The following ST7 variants were observed in gnomAD, a reference collection of about 807,000 sequenced individuals.
The protein encoded by ST7 is suppressor of tumorigenicity 7 protein.
In ST7, 28 loss-of-function variants were observed where a neutral mutation model predicts 78.7. The ratio of observed to expected loss-of-function variants is 0.36; its 90% CI spans 0.26 to 0.49. The LOEUF is 0.49. ST7 is among the 20% of genes least tolerant of loss of function. The pLI is 0.99. For missense variants in ST7, 418 were observed against 696.0 expected, an observed-to-expected ratio of 0.60 and a Z score of 4.49; for synonymous variants, 247 against 249.6, an observed-to-expected ratio of 0.99 and a Z score of 0.10.
chr7:117,214,465 G>C (rs1792532137), intron 13 of ST7, among the ~76,000 whole-genome samples: 1 of 152,154 alleles, frequency 6.6e-6, no homozygotes, highest in African/African-American at 2.4e-5. Flanking sequence ...GCTGCTCACT[G>C]TAAGATGTGG....
At chr7:117,089,989 G>A (rs1251831200) in intron 1 of ST7, among the ~76,000 whole-genome samples, 1 of 152,158 alleles carries the variant, frequency 6.6e-6, no homozygotes, top group African/African-American at 2.4e-5. Context: ...CTTTTTAAGG[G>A]TGAAGTCAAG....
Position 117,168,409 on chromosome 7 carries a change from C to T in ST7, c.964-2453C>T, listed in dbSNP as rs1807729047. Among the ~76,000 whole-genome samples the T allele has an allele frequency of 2.0e-5, 3 of 152,070 alleles. No homozygotes were observed. The South Asian group carries it at 6.2e-4, about 31-fold the overall frequency. On this transcript the variant is annotated intron_variant, in intron 9 of 15. Coordinates refer to ENST00000323984, the MANE Select transcript of ST7 (RefSeq NM_001369598.1). The stretch of plus-strand genomic sequence containing the variant: ...CATTACCTGAAGAATTGGCTGAAAA[C>T]AATAAATGTTTAAATGTTGCAATTT...
chr7:117,190,775 C>G lies in ST7; in HGVS notation c.1152-59C>G, dbSNP rs1760710213. 1 of 1,425,052 alleles carries G rather than the reference C, an allele frequency of 7.0e-7. No homozygotes were observed. 88.3% of individuals were successfully genotyped at this position (1,425,052 alleles called of 1,614,324 possible). A position where few individuals can be genotyped will look rare whatever the true frequency, so the allele number is the denominator to read the frequency against. ...ATGGGCCCTAGATGTGTAGATGCTT[C>G]CGGGTTGATGCCCAAGCAGTGGTCC... On this transcript the variant is annotated intron_variant, in intron 11 of 15. Coordinates refer to ENST00000323984, the MANE Select transcript of ST7 (RefSeq NM_001369598.1). This position sits in a 1 kb window ranked among gnomAD's most constrained non-coding sequence, Gnocchi z 5.2.
chr7:117,023,264 C>CA (rs1239713626), intron 1 of ST7, among the ~76,000 whole-genome samples: 4 of 151,944 alleles, frequency 2.6e-5, no homozygotes, highest in Admixed American at 6.6e-5. Context: ...AAAAAACAGA[C>CA]AAAAAAAGCC....
At chr7:117,009,460 T>A (rs957238035) in intron 1 of ST7, among the ~76,000 whole-genome samples, 8 of 152,090 alleles carry the variant, frequency 5.3e-5, no homozygotes, top group African/African-American at 1.9e-4. Flanking sequence ...TCCCTGTTTG[T>A]TGTACAAACC....
chr7:117,055,256 G>A (rs866467666), intron 1 of ST7, among the ~76,000 whole-genome samples: 11 of 151,934 alleles, frequency 7.2e-5, no homozygotes, highest in South Asian at 6.2e-4. Context: ...AGGCTGTAGC[G>A]CAGTGGCATG....
At chr7:117,078,330 G>T (rs140327089) in intron 1 of ST7, among the ~76,000 whole-genome samples, 58 of 152,294 alleles carry the variant, frequency 3.8e-4, no homozygotes, top group Middle Eastern at 3.4e-3. Context: ...GAAAAGCAAA[G>T]ATTTCAAAAA....
In ST7 at chr7:117,138,445, C is replaced by A. The variant is rs1233974246; in HGVS notation, c.876C>A (p.Thr292=). ...TATCTCCCTCTTCAGGACGAGACAC[C>A]AATGTCTTGGTGTACATCAAAAGAA... is the stretch of plus-strand genomic sequence containing the variant. ...SQYEAQHRRD[T]NVLVYIKRRL... is the part of the protein sequence containing the mutation. The change falls in exon 9 of 16, where the codon ACC becomes ACA. Residue 292 remains threonine (T), a synonymous_variant. Transcript: ENST00000323984. 3 of 1,603,214 alleles carry A rather than the reference C, an allele frequency of 1.9e-6. No homozygotes were observed. The highest frequency in any genetic ancestry group is 1.1e-5 in the South Asian group (1 of 89,548).
chr7:117,222,200 A>G lies in ST7; in HGVS notation c.1638+138A>G, dbSNP rs892327613. ...GATCATTGCTCACCATTTAATTTTC[A>G]TGATCGTCAATGGAATCAAAGCATT... On this transcript the variant is annotated intron_variant, in intron 15 of 15. Coordinates refer to ENST00000323984, the MANE Select transcript of ST7 (RefSeq NM_001369598.1). 8 of 987,024 alleles carry G rather than the reference A, an allele frequency of 8.1e-6. No homozygotes were observed. In the East Asian group the frequency reaches 1.7e-4, roughly 21 times the overall value. 61.1% of individuals were successfully genotyped at this position (987,024 alleles called of 1,614,324 possible).
At chr7:117,068,008 G>A (rs1378267077) in intron 1 of ST7, among the ~76,000 whole-genome samples, 2 of 152,052 alleles carry the variant, frequency 1.3e-5, no homozygotes. Flanking sequence ...TTAGTGTTTT[G>A]TTAGGTTGTT....
intron 1 of ST7, among the ~76,000 whole-genome samples, chr7:116,982,388 C>G (rs1265975444): frequency 6.6e-6 from 1 of 152,042 alleles, no homozygotes; most frequent in Non-Finnish European, 1.5e-5. Context: ...TCACGCCCGG[C>G]TAATTTTGTA....
At chr7:117,167,958 A>G (rs571048761) in intron 9 of ST7, among the ~76,000 whole-genome samples, 19 of 152,264 alleles carry the variant, frequency 1.2e-4, no homozygotes, top group African/African-American at 4.6e-4. Flanking sequence ...AGTGTGGAGT[A>G]AACAGAGCCA....
rs139190821 is a variant in ST7, at chr7:117,168,013, G to A, written c.964-2849G>A. On this transcript the variant is annotated intron_variant, in intron 9 of 15. Coordinates refer to ENST00000323984, the MANE Select transcript of ST7 (RefSeq NM_001369598.1). Reference sequence around the variant, plus strand: ...TCTAAGATAGCTTGTTTGAGGAGCCGGAAAGGGCAATGGAGGCAGCAGAGG... The same window carrying A: ...TCTAAGATAGCTTGTTTGAGGAGCCAGAAAGGGCAATGGAGGCAGCAGAGG... Among the ~76,000 whole-genome samples the A allele has an allele frequency of 1.7e-3, 259 of 152,250 alleles. 2 individuals are homozygous for A. Among genetic ancestry groups the A allele is most frequent in the African/African-American group, 5.9e-3 (243 of 41,530 alleles).
At chr7:116,986,185 T>C (rs1218985484) in intron 1 of ST7, among the ~76,000 whole-genome samples, 1 of 152,204 alleles carries the variant, frequency 6.6e-6, no homozygotes, top group African/African-American at 2.4e-5. Context: ...CTGGGTTGTG[T>C]GAGTAGAGTC....
chr7:117,093,015 A>G (rs940705619), intron 1 of ST7, among the ~76,000 whole-genome samples: 1 of 152,216 alleles, frequency 6.6e-6, no homozygotes, highest in Non-Finnish European at 1.5e-5. Context: ...GGTGGTTCCC[A>G]TATGGCCTGT....
intron 9 of ST7, among the ~76,000 whole-genome samples, chr7:117,158,452 C>T (rs2117196997): frequency 6.6e-6 from 1 of 152,334 alleles, no homozygotes; most frequent in South Asian, 2.1e-4. Flanking sequence ...ACAAAACTCT[C>T]ATTGGAAGAT....
At chr7:116,983,878 C>T (rs1304881681) in intron 1 of ST7, among the ~76,000 whole-genome samples, 1 of 152,152 alleles carries the variant, frequency 6.6e-6, no homozygotes, top group Non-Finnish European at 1.5e-5. Flanking sequence ...ATATATTAAT[C>T]AGTTACTACA....
intron 1 of ST7, among the ~76,000 whole-genome samples, chr7:117,002,908 T>C (rs919369461): frequency 7.3e-6 from 1 of 136,380 alleles, no homozygotes; most frequent in African/African-American, 2.7e-5. Context: ...CTGCTAACTC[T>C]GCCTCCCAGG....
At chr7:117,114,758 AAAG>A (rs758547145) in intron 2 of ST7, among the ~76,000 whole-genome samples, 2 of 152,222 alleles carry the variant, frequency 1.3e-5, no homozygotes, top group Non-Finnish European at 2.9e-5. Flanking sequence ...ATGCAATTCA[AAAG>A]AAGAGGAGGA....
Sources: gnomAD v4.1 joint callset for allele counts (sites outside exome capture counted in the v4.1 genomes callset) on GRCh38, gnomAD v4.1.1 for gene constraint, Gnocchi (gnomAD v3.1) non-coding constraint, MANE v1.5 for transcripts, NCBI Gene and HGNC (gene_info 2026-07-23, HGNC 2026-07-21) for gene names.